Variants in RNF175 observed in about 807,000 individuals in gnomAD.
RNF175 encodes ring finger protein 175.
Under a neutral mutation model 50.0 loss-of-function variants are expected in RNF175, and 38 were observed. The observed-to-expected ratio is 0.76, with a 90% CI of 0.59 to 1.00. The LOEUF (loss-of-function observed/expected upper bound fraction) is 1.00. Among genes scored for constraint, RNF175 ranks in the 50% least tolerant of loss-of-function variants. The pLI is 0.00. For synonymous variants in RNF175, 155 were observed against 146.1 expected (o/e 1.06, Z -0.44); for missense variants, 388 against 409.6 (o/e 0.95, Z 0.46).
At chr4:153,742,770 A>C (rs1739741485) in intron 3 of RNF175, among the ~76,000 whole-genome samples, 1 of 151,328 alleles carries the variant, frequency 6.6e-6, no homozygotes, top group African/African-American at 2.4e-5. Context: ...CACTTATCAT[A>C]GCTGTAATAA....
rs764889075 is a variant in RNF175, at chr4:153,748,763, T to C, written c.128A>G (p.Lys43Arg). 57 of 1,612,360 alleles carry C rather than the reference T, an allele frequency of 3.5e-5. No individual in the cohort carries two copies. In the Middle Eastern group the frequency reaches 5.0e-4, roughly 14 times the overall value. Reference sequence around the variant, plus strand: ...CATGGAATCGTGGCCCCGGTGCATCTTGTACATCCTCTCCTGCTGCAGGCT... The same window carrying C: ...CATGGAATCGTGGCCCCGGTGCATCCTGTACATCCTCTCCTGCTGCAGGCT... Reference protein sequence around the residue: ...TWNLQQERMYKMHRGHDSMHV... With the variant: ...TWNLQQERMYRMHRGHDSMHV... The change falls in exon 3 of 9, where the codon AAG (lysine) becomes AGG (arginine). Residue 43 changes from lysine (K) to arginine (R), a missense_variant. Lys to Arg is a conservative substitution (Grantham distance 26). Coordinates refer to ENST00000347063, the MANE Select transcript of RNF175 (RefSeq NM_173662.4).
chr4:153,728,258 C>T lies in RNF175; in HGVS notation c.350G>A (p.Ser117Asn). 6.2e-7 allele frequency: 1 copy of T among 1,613,558 alleles called. No individual in the cohort carries two copies. Among genetic ancestry groups the T allele is most frequent in the Non-Finnish European group, 8.5e-7 (1 of 1,179,542 alleles). ...TCGGGTAGCTCTGAAGAGGATGTAA[C>T]TGGTAATAACGGAGAACATCCCCCA... The part of the protein sequence containing the change: ...SMWGMFSVIT[S>N]YILFRATRKP... Residue 117 changes from serine (S) to asparagine (N), a missense_variant, in exon 4 of 9, where the codon AGT (serine) becomes AAT (asparagine). Physicochemically the swap from Ser to Asn is conservative, Grantham distance 46. Coordinates refer to ENST00000347063, the MANE Select transcript of RNF175 (RefSeq NM_173662.4).
chr4:153,710,607 C>T, intron 8 of RNF175, 118 bp from the exon 9 acceptor site: 6 of 983,692 alleles, frequency 6.1e-6, no homozygotes, highest in Non-Finnish European at 9.0e-6. Flanking sequence ...CTTGTTAATT[C>T]TATGTGCTCA....
rs1430401733 is a variant in RNF175, at chr4:153,715,540, G to C, written c.753C>G (p.Ser251=). ...EGLIENTYQL[S]CNHVFHEFCI... ...TTTGAAAAGGATACACATGATTACA[G>C]GAAAGCTGGTAGGTGTTTTCAATGA... Residue 251 remains serine (S), a synonymous_variant, in exon 7 of 9, where the codon TCC becomes TCG. Coordinates refer to ENST00000347063, the MANE Select transcript of RNF175 (RefSeq NM_173662.4). 6.3e-7 allele frequency: 1 copy of C among 1,597,436 alleles called. No homozygotes were observed. The highest frequency in any genetic ancestry group is 1.3e-5 in the African/African-American group (1 of 74,688).
chr4:153,723,094 A>T (rs1445286916), intron 5 of RNF175: 2 of 271,302 alleles, frequency 7.4e-6, no homozygotes, highest in Non-Finnish European at 1.4e-5. Context: ...TCCACTGTTA[A>T]TAGCAATCTT....
intron 3 of RNF175, among the ~76,000 whole-genome samples, chr4:153,743,204 G>C (rs1739771665): frequency 1.3e-5 from 2 of 152,200 alleles, no homozygotes. Context: ...ACAATTTCAA[G>C]CTCAAATGGT....
rs1409193208 is a variant in RNF175, at chr4:153,759,772, C to A, written c.66+25G>T. ...CCCGGGACCCCGGCCTGGCGTCCCC[C>A]ACGCCCGCGCCCCCGCGCCAGTACC... On this transcript the variant is annotated intron_variant, in intron 1 of 8. Coordinates refer to ENST00000347063, the MANE Select transcript of RNF175 (RefSeq NM_173662.4). 2.8e-6 allele frequency: 4 copies of A among 1,452,976 alleles called. No individual in the cohort carries two copies. The African/African-American group carries it at 5.9e-5, about 22-fold the overall frequency. The allele number at this position is 1,452,976 out of a possible 1,614,324, so 90.0% of individuals were successfully genotyped here. A position where few individuals can be genotyped will look rare whatever the true frequency, so the allele number is the denominator to read the frequency against.
intron 3 of RNF175, among the ~76,000 whole-genome samples, chr4:153,746,727 T>C (rs1257243440): frequency 1.3e-5 from 2 of 152,248 alleles, no homozygotes; most frequent in Non-Finnish European, 2.9e-5. Context: ...CTCTCTGCTA[T>C]GGCTGTGACT....
At chr4:153,712,761 C>T (rs1250826488) in intron 7 of RNF175, among the ~76,000 whole-genome samples, 185 bp from the exon 8 acceptor site, 2 of 152,072 alleles carry the variant, frequency 1.3e-5, no homozygotes, top group East Asian at 1.9e-4. Flanking sequence ...CAGCTGCCTT[C>T]GCTTTATGAC....
At chr4:153,727,902 G>A (rs1323790936) in intron 4 of RNF175, among the ~76,000 whole-genome samples, 1 of 152,140 alleles carries the variant, frequency 6.6e-6, no homozygotes, top group Admixed American at 6.5e-5. Context: ...AAATGCTGAG[G>A]TAAAAATAAA....
At position 153,710,333 on chromosome 4, in the gene RNF175, C is replaced by A; in HGVS notation, c.*36G>T. 1 of 1,494,610 alleles carries A rather than the reference C, an allele frequency of 6.7e-7. No individual in the cohort carries two copies. The highest frequency in any genetic ancestry group is 1.3e-5 in the South Asian group (1 of 74,634). 92.6% of individuals were successfully genotyped at this position (1,494,610 alleles called of 1,614,324 possible). On this transcript the variant is annotated 3_prime_UTR_variant, in exon 9 of 9. Coordinates refer to ENST00000347063, the MANE Select transcript of RNF175 (RefSeq NM_173662.4). ...ATATTAAATGTTGGACCAAGGATTT[C>A]AACCATGCAGTATGTTGCTTCTGGG...
At position 153,751,492 on chromosome 4, in the gene RNF175, G is replaced by C; in HGVS notation, c.67-17C>G. On this transcript the variant is annotated splice_polypyrimidine_tract_variant and intron_variant, in intron 1 of 8. Transcript: ENST00000347063. Reference sequence around the variant, plus strand: ...ATGAGAGAGCTGAAAAACATAAAAAGGGCCCTTATCAAAAAATGTCCTTAT... The same window carrying C: ...ATGAGAGAGCTGAAAAACATAAAAACGGCCCTTATCAAAAAATGTCCTTAT... 3 of 1,548,270 alleles carry C rather than the reference G, an allele frequency of 1.9e-6. No individual in the cohort carries two copies. Among genetic ancestry groups the C allele is most frequent in the Non-Finnish European group, 2.6e-6 (3 of 1,145,334 alleles).
chr4:153,746,595 G>A (rs987770547), intron 3 of RNF175, among the ~76,000 whole-genome samples: 4 of 152,102 alleles, frequency 2.6e-5, no homozygotes, highest in Admixed American at 2.6e-4. Context: ...AGCTCTCCGA[G>A]GCTGGAGTTG....
At chr4:153,748,859 A>AAAAACAG in intron 2 of RNF175, 73 bp from the exon 3 acceptor site, 1 of 1,384,400 alleles carries the variant, frequency 7.2e-7, no homozygotes, top group Non-Finnish European at 9.7e-7. Flanking sequence ...ACAAAAAACA[A>AAAAACAG]AAAACAAAAA....
chr4:153,746,926 C>T (rs1740006980), intron 3 of RNF175, among the ~76,000 whole-genome samples: 1 of 152,232 alleles, frequency 6.6e-6, no homozygotes, highest in African/African-American at 2.4e-5. Context: ...CTTCCAGAGC[C>T]ACAGGTTGAG....
At chr4:153,740,534 T>C (rs72617459) in intron 3 of RNF175, among the ~76,000 whole-genome samples, 40,892 of 152,072 alleles carry the variant, frequency 0.27, 6,331 homozygotes, top group East Asian at 0.81. Context: ...TGCTGTGCAA[T>C]AGAATACCAG....
intron 6 of RNF175, among the ~76,000 whole-genome samples, chr4:153,719,452 T>C (rs542695952): frequency 1.3e-5 from 2 of 152,352 alleles, no homozygotes; most frequent in East Asian, 3.9e-4. Context: ...AGATGTGGAA[T>C]TCTTGAAACT....
intron 5 of RNF175, 197 bp from the exon 6 acceptor site, chr4:153,720,501 C>A: frequency 2.0e-6 from 1 of 492,762 alleles, no homozygotes; most frequent in Non-Finnish European, 3.7e-6. Context: ...GCACTCAGTG[C>A]CAACTGGACA....
chr4:153,743,055 A>T (rs1384660083), intron 3 of RNF175, among the ~76,000 whole-genome samples: 1 of 152,236 alleles, frequency 6.6e-6, no homozygotes, highest in Admixed American at 6.5e-5. Flanking sequence ...GTCAGCATTT[A>T]TGGACACATG....
Sources: gnomAD v4.1 joint callset for allele counts (sites outside exome capture counted in the v4.1 genomes callset) on GRCh38, gnomAD v4.1.1 for gene constraint, MANE v1.5 for transcripts, NCBI Gene and HGNC (gene_info 2026-07-23, HGNC 2026-07-21) for gene names.